The following TJAP1 variants were observed in gnomAD, a reference collection of about 807,000 sequenced individuals.
The protein encoded by TJAP1 is tight junction-associated protein 1.
In TJAP1, 27 loss-of-function variants were observed where a neutral mutation model predicts 42.0. The ratio of observed to expected loss-of-function variants is 0.64; its 90% CI spans 0.47 to 0.89. TJAP1 has a LOEUF of 0.89. Among genes scored for constraint, TJAP1 ranks in the 40% least tolerant of loss-of-function variants. The probability of loss-of-function intolerance (pLI) is 0.00; values close to 1 mark genes in which losing one functional copy is unlikely to be tolerated. For synonymous variants in TJAP1, 257 were observed against 288.4 expected, an observed-to-expected ratio of 0.89 and a Z score of 1.10; for missense variants, 712 against 726.9, an observed-to-expected ratio of 0.98 and a Z score of 0.24.
chr6:43,490,016 AGACACTAACCCTGTGAGTCT>A (rs1345036121), intron 2 of TJAP1, among the ~76,000 whole-genome samples: 1 of 152,330 alleles, frequency 6.6e-6, no homozygotes, highest in East Asian at 1.9e-4. Context: ...GTTGGGGAGA[AGACACTAACCCTGTGAGTCT>A]GACCTCAGCC....
At chr6:43,490,741 C>T (rs896232779) in intron 2 of TJAP1, among the ~76,000 whole-genome samples, 3 of 152,182 alleles carry the variant, frequency 2.0e-5, no homozygotes, top group Non-Finnish European at 4.4e-5. Flanking sequence ...CTTTTCACAT[C>T]CGGAGTTTCT....
rs1282966308 is a variant in TJAP1 at position 43,503,523 on chromosome 6, C to T, written c.495+15C>T. On this transcript the variant is annotated intron_variant, in intron 9 of 10. Coordinates refer to ENST00000372449, the Ensembl canonical transcript of TJAP1. ...AAGAGCTCAATGTATGTGCGCTTCA[C>T]TACTCGGGCCTTCCTCACCTGGGGC... is the stretch of plus-strand genomic sequence containing the variant. 2.5e-6 allele frequency: 4 copies of T among 1,612,058 alleles called. No individual in the cohort carries two copies. In the South Asian group the frequency reaches 4.4e-5, roughly 18 times the overall value.
intron 3 of TJAP1, 49 bp downstream of exon 3, chr6:43,498,026 A>C (rs958001732): frequency 2.0e-5 from 3 of 151,144 alleles, no homozygotes; most frequent in Middle Eastern, 3.1e-3. Context: ...TCTTCTGGGG[A>C]GGGGCAGGTG....
chr6:43,486,954 A>G (rs1266439155), intron 2 of TJAP1, among the ~76,000 whole-genome samples: 5 of 152,186 alleles, frequency 3.3e-5, no homozygotes, highest in Non-Finnish European at 7.3e-5. Flanking sequence ...GCGTTGTGGC[A>G]TATCTTTGCA....
chr6:43,500,858 C>A (rs985032525), intron 5 of TJAP1, 86 bp downstream of exon 5: 2 of 1,509,594 alleles, frequency 1.3e-6, no homozygotes, highest in African/African-American at 2.7e-5. Context: ...GTTGGACTTT[C>A]CCTTGGATTA....
chr6:43,502,958 T>A (rs750207757), intron 8 of TJAP1: 5 of 485,894 alleles, frequency 1.0e-5, no homozygotes, highest in Admixed American at 3.5e-5. Flanking sequence ...CTTTTGAGCC[T>A]GCAGCTTGCT....
chr6:43,498,197 T>C (rs959655734), intron 3 of TJAP1, among the ~76,000 whole-genome samples: 1 of 152,232 alleles, frequency 6.6e-6, no homozygotes, highest in African/African-American at 2.4e-5. Context: ...TTTTTGGTTA[T>C]GATTTTTTTT....
intron 4 of TJAP1, 122 bp from the exon 5 acceptor site, chr6:43,500,622 C>T: frequency 1.9e-6 from 2 of 1,041,640 alleles, no homozygotes; most frequent in Non-Finnish European, 3.0e-6. Flanking sequence ...GCCCTGCAGC[C>T]CTCTTCTGCT....
chr6:43,498,972 C>CA lies in TJAP1; in HGVS notation c.-24-5dup. On this transcript the variant is annotated splice_polypyrimidine_tract_variant and splice_region_variant and intron_variant, in intron 3 of 10. Transcript: ENST00000372449. ...CTGAGCCTGCCTCCTTCTTGCTTCTCAGCAGGCGGAGGAGCCGTCACCTCC... is the reference window on the plus strand; with the variant it reads ...CTGAGCCTGCCTCCTTCTTGCTTCTCAAGCAGGCGGAGGAGCCGTCACCTCC... The CA allele has an allele frequency of 6.2e-7, 1 of 1,611,398 alleles. No individual in the cohort carries two copies. The highest frequency in any genetic ancestry group is 8.5e-7 in the Non-Finnish European group (1 of 1,179,334).
In TJAP1 at chr6:43,502,076, A is replaced by ACACACACACT. The variant is rs767085594; in HGVS notation, c.291-206_291-205insACACACACTC. On this transcript the variant is annotated intron_variant, in intron 6 of 10. Transcript: ENST00000372449. ...CACACACACACACACACACACACAC[A>ACACACACACT]CTCTCTCTCTCTCTCTCTCTCTCTC... Among the ~76,000 whole-genome samples, 20 of 68,956 alleles carry ACACACACACT rather than the reference A, an allele frequency of 2.9e-4. 2 individuals carry two copies. The highest frequency in any genetic ancestry group is 1.5e-3 in the South Asian group (3 of 1,952). 45.2% of individuals were successfully genotyped at this position (68,956 alleles called of 152,430 possible).
At chr6:43,485,017 C>G (rs748232148) in intron 2 of TJAP1, among the ~76,000 whole-genome samples, 4 of 152,196 alleles carry the variant, frequency 2.6e-5, no homozygotes, top group African/African-American at 7.2e-5. Flanking sequence ...CGTGAGCCAC[C>G]ACGCCCAGCC....
At chr6:43,482,576 C>G (rs1223462308) in intron 2 of TJAP1, among the ~76,000 whole-genome samples, 4 of 152,168 alleles carry the variant, frequency 2.6e-5, no homozygotes, top group Non-Finnish European at 5.9e-5. Flanking sequence ...GAGTGCCCTT[C>G]TTCTGTGCTT....
At chr6:43,501,931 T>A (rs35401221) in intron 6 of TJAP1, among the ~76,000 whole-genome samples, 42,868 of 77,818 alleles carry the variant, frequency 0.55, 9,054 homozygotes, top group East Asian at 0.59. Flanking sequence ...ACACACACTC[T>A]CTCTCTCTCT....
At chr6:43,500,491 A>G (rs1790277552) in intron 4 of TJAP1, 2 of 512,018 alleles carry the variant, frequency 3.9e-6, no homozygotes, top group African/African-American at 1.9e-5. Context: ...CTTATTTGAA[A>G]ATGGCTTTAG....
At chr6:43,501,919 ACACACACACTCT>A (rs770768580) in intron 6 of TJAP1, among the ~76,000 whole-genome samples, 2,389 of 121,884 alleles carry the variant, frequency 0.02, 88 homozygotes, top group African/African-American at 0.044. Flanking sequence ...ACACACACAC[ACACACACACTCT>A]CTCTCTCTCT....
intron 2 of TJAP1, among the ~76,000 whole-genome samples, chr6:43,482,409 T>A (rs2127472081): frequency 6.6e-6 from 1 of 152,310 alleles, no homozygotes; most frequent in South Asian, 2.1e-4. Flanking sequence ...AACCTTCATT[T>A]CTCACCTGGA....
At chr6:43,501,480 C>G (rs753493339) in intron 5 of TJAP1, 46 bp from the exon 6 acceptor site, 1 of 1,558,594 alleles carries the variant, frequency 6.4e-7, no homozygotes. Flanking sequence ...GCATGCCCTT[C>G]TATCTCTCAT....
chr6:43,503,680 C>T, exon 10 of TJAP1: 3 of 1,614,192 alleles, frequency 1.9e-6, no homozygotes, highest in Non-Finnish European at 2.5e-6. Flanking sequence ...CAACAAGTCC[C>T]ACTTCCGAAA....
chr6:43,501,890 GCCACAC>G (rs1790765757), intron 6 of TJAP1, among the ~76,000 whole-genome samples: 2 of 55,418 alleles, frequency 3.6e-5, no homozygotes, highest in East Asian at 4.0e-4. Context: ...GGAATGCGGG[GCCACAC>G]ACACACACAC....
Sources: gnomAD v4.1 joint callset for allele counts (sites outside exome capture counted in the v4.1 genomes callset) on GRCh38, gnomAD v4.1.1 for gene constraint, MANE v1.5 for transcripts, NCBI Gene and HGNC (gene_info 2026-07-23, HGNC 2026-07-21) for gene names.